Variants in USH2A observed in about 807,000 individuals in gnomAD.
USH2A encodes Usher syndrome 2A (autosomal recessive, mild).
USH2A carries 443 observed loss-of-function variants against 538.9 expected under a neutral mutation model. The ratio of observed to expected loss-of-function variants is 0.82; its 90% CI spans 0.76 to 0.89. USH2A has a LOEUF of 0.89. Ranked by LOEUF, USH2A falls within the 40% of genes least tolerant of loss-of-function variation. The pLI, the probability that USH2A is intolerant of heterozygous loss-of-function variation, is 0.00. For missense variants in USH2A, 6,633 were observed against 6,324.8 expected (o/e 1.05, Z -1.65); for synonymous variants, 2,413 against 2,273.5 (o/e 1.06, Z -1.75).
chr1:216,131,660 C>T (rs755655126), intron 21 of USH2A, among the ~76,000 whole-genome samples: 2 of 151,984 alleles, frequency 1.3e-5, no homozygotes, highest in African/African-American at 2.4e-5. Flanking sequence ...AAAATTTACC[C>T]TTTGACTTTT....
At chr1:216,387,421 C>T (rs919428359) in intron 3 of USH2A, among the ~76,000 whole-genome samples, 2 of 152,180 alleles carry the variant, frequency 1.3e-5, no homozygotes, top group African/African-American at 4.8e-5. Flanking sequence ...AAAGAAACAA[C>T]TCTTCAATAT....
At chr1:216,392,517 A>T (rs1308089640) in intron 3 of USH2A, among the ~76,000 whole-genome samples, 2 of 148,632 alleles carry the variant, frequency 1.3e-5, no homozygotes, top group Non-Finnish European at 3.0e-5. Context: ...AAAAAAAAAA[A>T]TCCAAAGTGT....
intron 37 of USH2A, among the ~76,000 whole-genome samples, chr1:215,959,967 C>T (rs927929022): frequency 2.6e-5 from 4 of 152,058 alleles, no homozygotes; most frequent in Admixed American, 6.6e-5. Flanking sequence ...CCACAATAAC[C>T]ACTTAAGAAA....
chr1:216,391,695 G>T (rs2039110989), intron 3 of USH2A, among the ~76,000 whole-genome samples: 1 of 152,088 alleles, frequency 6.6e-6, no homozygotes, highest in Admixed American at 6.5e-5. Context: ...GACATGTATT[G>T]AGTTTGCATA....
chr1:216,018,587 C>G (rs1329874754), intron 32 of USH2A, among the ~76,000 whole-genome samples: 1 of 152,080 alleles, frequency 6.6e-6, no homozygotes, highest in East Asian at 1.9e-4. Flanking sequence ...GGCTAAAGCT[C>G]AGGACAAGGT....
At chr1:215,758,378 T>C (rs1264903206) in intron 58 of USH2A, among the ~76,000 whole-genome samples, 1 of 152,170 alleles carries the variant, frequency 6.6e-6, no homozygotes, top group Non-Finnish European at 1.5e-5. Flanking sequence ...TACTTACATA[T>C]CTACATCGAC....
intron 4 of USH2A, among the ~76,000 whole-genome samples, chr1:216,328,011 C>T (rs978643278): frequency 8.5e-5 from 13 of 152,126 alleles, no homozygotes; most frequent in African/African-American, 3.1e-4. Context: ...TTGTCATCTG[C>T]TTCTGATTGC....
rs191279897 is a variant in USH2A at position 215,861,268 on chromosome 1, T to C, written c.8845+5739A>G. On this transcript the variant is annotated intron_variant, in intron 44 of 71. Transcript: ENST00000307340. ...AGAAAACTGTATTTAAAGGAGATAG[T>C]ATAATAGATATATTAATTATTCATC... is the stretch of plus-strand genomic sequence containing the variant. 3.8e-3 allele frequency among the ~76,000 whole-genome samples: 574 copies of C among 152,330 alleles called. 3 individuals are homozygous for C. The highest frequency in any genetic ancestry group is 6.0e-3 in the Non-Finnish European group (405 of 68,038).
chr1:215,793,356 G>A (rs1269398978), intron 50 of USH2A, among the ~76,000 whole-genome samples: 2 of 151,934 alleles, frequency 1.3e-5, no homozygotes, highest in Non-Finnish European at 2.9e-5. Flanking sequence ...TAAGCCAAGG[G>A]ATATTTTAGG....
At chr1:215,836,506 T>TATATAAAA (rs1553267742) in intron 47 of USH2A, among the ~76,000 whole-genome samples, 1 of 18,320 alleles carries the variant, frequency 5.5e-5, no homozygotes, top group African/African-American at 1.7e-4. Flanking sequence ...ATAATATATA[T>TATATAAAA]TATATATATA....
chr1:216,040,530 T>C (rs893321806), intron 32 of USH2A, among the ~76,000 whole-genome samples: 6 of 152,120 alleles, frequency 3.9e-5, no homozygotes, highest in Middle Eastern at 3.4e-3. Context: ...CTTATAAACT[T>C]CTTAAAAACG....
At chr1:216,417,635 A>G (rs1267927973) in intron 3 of USH2A, among the ~76,000 whole-genome samples, 1 of 152,014 alleles carries the variant, frequency 6.6e-6, no homozygotes, top group Non-Finnish European at 1.5e-5. Flanking sequence ...TTTCCTCCCT[A>G]TTCTGGCCAC....
Position 216,083,458 on chromosome 1 carries a change from C to A in USH2A, c.5296G>T (p.Ala1766Ser). 1 of 1,610,520 alleles carries A rather than the reference C, an allele frequency of 6.2e-7. No homozygotes were observed. Among genetic ancestry groups the A allele is most frequent in the Non-Finnish European group, 8.5e-7 (1 of 1,178,528 alleles). The change falls in exon 26 of 72, where the codon GCT becomes TCT. Residue 1766 changes from alanine (A) to serine (S), a missense_variant and splice_region_variant. Ala to Ser is a moderately conservative substitution (Grantham distance 99). Transcript: ENST00000307340. Reference protein sequence around the residue: ...VYNKDGPDFLAMELKSGILTF... With the variant: ...VYNKDGPDFLSMELKSGILTF... The stretch of plus-strand genomic sequence containing the variant: ...TTTAATCAAATTAATTCACATACAG[C>A]AAGAAAATCAGGTCCATCTTTGTTA...
chr1:216,150,708 C>T (rs2033813578), intron 21 of USH2A, among the ~76,000 whole-genome samples: 1 of 152,068 alleles, frequency 6.6e-6, no homozygotes, highest in African/African-American at 2.4e-5. Context: ...ATTTAAAAAA[C>T]CTTTCTCCTT....
intron 21 of USH2A, among the ~76,000 whole-genome samples, chr1:216,167,457 C>T (rs551837823): frequency 5.3e-5 from 8 of 152,134 alleles, no homozygotes; most frequent in South Asian, 2.1e-4. Flanking sequence ...GGCGCTTAAC[C>T]GGTATATGAC....
At chr1:215,792,062 G>C (rs925192306) in intron 50 of USH2A, among the ~76,000 whole-genome samples, 2 of 152,106 alleles carry the variant, frequency 1.3e-5, no homozygotes, top group African/African-American at 4.8e-5. Context: ...CTTTTAAAGA[G>C]CAATCAAAAT....
intron 58 of USH2A, among the ~76,000 whole-genome samples, chr1:215,746,039 T>C (rs1350143533): frequency 6.6e-6 from 1 of 151,590 alleles, no homozygotes; most frequent in Non-Finnish European, 1.5e-5. Context: ...GGAACAAACA[T>C]AGTACCGTAG....
intron 13 of USH2A, among the ~76,000 whole-genome samples, chr1:216,232,956 A>G (rs1205494106): frequency 5.9e-5 from 9 of 152,182 alleles, no homozygotes; most frequent in South Asian, 2.1e-4. Flanking sequence ...GAGTTAATGG[A>G]TAGCAAAACC....
intron 70 of USH2A, chr1:215,629,971 T>G: frequency 5.2e-6 from 2 of 387,204 alleles, no homozygotes; most frequent in South Asian, 4.0e-5. Flanking sequence ...GAGACGGGGT[T>G]TCACCGTGTT....
Sources: gnomAD v4.1 joint callset for allele counts (sites outside exome capture counted in the v4.1 genomes callset) on GRCh38, gnomAD v4.1.1 for gene constraint, MANE v1.5 for transcripts, NCBI Gene and HGNC (gene_info 2026-07-23, HGNC 2026-07-21) for gene names.